The following SLC35F3 variants were observed in gnomAD, a reference collection of about 807,000 sequenced individuals.
The protein encoded by SLC35F3 is solute carrier family 35 member F3.
SLC35F3 carries 25 observed loss-of-function variants against 49.9 expected under a neutral mutation model. The ratio of observed to expected loss-of-function variants is 0.50; its 90% CI spans 0.37 to 0.70. The LOEUF (loss-of-function observed/expected upper bound fraction) is 0.70. Among genes scored for constraint, SLC35F3 ranks in the 30% least tolerant of loss-of-function variants. The pLI, the probability that SLC35F3 is intolerant of heterozygous loss-of-function variation, is 0.00. For synonymous variants in SLC35F3, 275 were observed against 265.4 expected (o/e 1.04, Z -0.35); for missense variants, 525 against 639.8 (o/e 0.82, Z 1.94).
chr1:234,118,306 G>A (rs1288284218), intron 2 of SLC35F3, among the ~76,000 whole-genome samples: 1 of 152,080 alleles, frequency 6.6e-6, no homozygotes, highest in African/African-American at 2.4e-5. Context: ...ATCAGGCAGG[G>A]ACTGGAAACA....
At chr1:234,186,592 A>G (rs1300205303) in intron 2 of SLC35F3, among the ~76,000 whole-genome samples, 1 of 152,164 alleles carries the variant, frequency 6.6e-6, no homozygotes, top group East Asian at 1.9e-4. Context: ...CTGAAGTGTC[A>G]AGTGGTAGGT....
intron 2 of SLC35F3, among the ~76,000 whole-genome samples, chr1:234,081,938 G>GTTTTTTTTTTT (rs1352381288): frequency 3.9e-5 from 1 of 25,520 alleles, no homozygotes; most frequent in Non-Finnish European, 6.4e-5. Flanking sequence ...TTTTTTTTTA[G>GTTTTTTTTTTT]TAGAGACAGG....
intron 2 of SLC35F3, among the ~76,000 whole-genome samples, chr1:234,077,720 C>T (rs1316840250): frequency 6.6e-6 from 1 of 152,124 alleles, no homozygotes; most frequent in Non-Finnish European, 1.5e-5. Flanking sequence ...GTTCTCATAG[C>T]CTGCACCTCA....
chr1:234,199,823 G>A (rs184392428), intron 2 of SLC35F3, among the ~76,000 whole-genome samples: 4 of 152,140 alleles, frequency 2.6e-5, no homozygotes, highest in Admixed American at 6.5e-5. Context: ...ATTAAAAAAC[G>A]GGCAAAGGAC....
chr1:234,212,203 G>A (rs1483388609), intron 2 of SLC35F3, among the ~76,000 whole-genome samples: 1 of 152,194 alleles, frequency 6.6e-6, no homozygotes, highest in Non-Finnish European at 1.5e-5. Context: ...TTTATCAGCA[G>A]GGTGAAAACA....
chr1:234,228,739 ATG>A (rs1173200900), intron 2 of SLC35F3, among the ~76,000 whole-genome samples: 3 of 151,950 alleles, frequency 2.0e-5, no homozygotes, highest in African/African-American at 4.8e-5. Flanking sequence ...GGGTGTGTGT[ATG>A]TGTGTGTGTC....
chr1:234,113,586 A>G (rs7518862), intron 2 of SLC35F3, among the ~76,000 whole-genome samples: 55,222 of 152,090 alleles, frequency 0.36, 11,425 homozygotes, highest in East Asian at 0.82. Context: ...ACATGTAGGC[A>G]AGCATGGTGG....
intron 2 of SLC35F3, among the ~76,000 whole-genome samples, chr1:234,066,141 A>C (rs549759018): frequency 3.3e-4 from 51 of 152,336 alleles, no homozygotes; most frequent in African/African-American, 1.2e-3. Context: ...AAGGAATTCC[A>C]GTTTCCACAG....
At chr1:234,178,692 G>A (rs1014720116) in intron 2 of SLC35F3, among the ~76,000 whole-genome samples, 1 of 127,462 alleles carries the variant, frequency 7.8e-6, no homozygotes, top group African/African-American at 3.1e-5. Flanking sequence ...TTCTGTGGAT[G>A]TACATCATCC....
chr1:234,292,708 T>C (rs1302603279), intron 3 of SLC35F3, among the ~76,000 whole-genome samples: 1 of 152,142 alleles, frequency 6.6e-6, no homozygotes, highest in African/African-American at 2.4e-5. Context: ...TTTGCTGCTG[T>C]TTAGAGTTGC....
chr1:233,906,265 C>T (rs1182432935), intron 2 of SLC35F3, among the ~76,000 whole-genome samples: 1 of 152,094 alleles, frequency 6.6e-6, no homozygotes, highest in Non-Finnish European at 1.5e-5. Context: ...GCCCTTCTCC[C>T]CTGGATTTTA....
chr1:234,105,502 C>G (rs1665273004), intron 2 of SLC35F3, among the ~76,000 whole-genome samples: 2 of 152,160 alleles, frequency 1.3e-5, no homozygotes, highest in Non-Finnish European at 2.9e-5. Flanking sequence ...TCCTATCCAG[C>G]AGGTATTCAC....
At chr1:234,126,037 A>G (rs1665642734) in intron 2 of SLC35F3, among the ~76,000 whole-genome samples, 4 of 152,346 alleles carry the variant, frequency 2.6e-5, no homozygotes, top group East Asian at 1.9e-4. Flanking sequence ...TCCCTGGTGA[A>G]TGGGGATTTT....
chr1:234,049,977 T>A (rs189860587), intron 2 of SLC35F3, among the ~76,000 whole-genome samples: 2 of 152,228 alleles, frequency 1.3e-5, no homozygotes, highest in Non-Finnish European at 2.9e-5. Flanking sequence ...TCATCCTTTT[T>A]TATGGCTGCA....
At chr1:234,198,847 A>G (rs1012287521) in intron 2 of SLC35F3, among the ~76,000 whole-genome samples, 11 of 152,182 alleles carry the variant, frequency 7.2e-5, no homozygotes, top group Non-Finnish European at 1.3e-4. Context: ...ATAGCCAAAG[A>G]TATCTTGAGC....
At chr1:233,976,384 A>C (rs1409676528) in intron 2 of SLC35F3, among the ~76,000 whole-genome samples, 2 of 152,194 alleles carry the variant, frequency 1.3e-5, no homozygotes, top group African/African-American at 4.8e-5. Flanking sequence ...CTTACGCAAA[A>C]GTAGGGAGCA....
At chr1:234,199,031 C>T in intron 2 of SLC35F3, among the ~76,000 whole-genome samples, 1 of 140,942 alleles carries the variant, frequency 7.1e-6, no homozygotes, top group East Asian at 2.2e-4. Flanking sequence ...CTAGCTTGGG[C>T]AACATAGTGA....
rs1663990331 is a variant in SLC35F3 at position 234,027,085 on chromosome 1, C to T, written c.283+121327C>T. On this transcript the variant is annotated intron_variant, in intron 2 of 7. Transcript: ENST00000366618. This position sits in a 1 kb window ranked among gnomAD's most constrained non-coding sequence, Gnocchi z 4.1. Reference sequence around the variant, plus strand: ...CCATAAGCCCAGATACACTGATTTTCCAAGTACCATAACATTGGCAGAACA... The same window carrying T: ...CCATAAGCCCAGATACACTGATTTTTCAAGTACCATAACATTGGCAGAACA... 1 of 153,270 alleles carries T rather than the reference C, an allele frequency of 6.5e-6. No homozygotes were observed. Among genetic ancestry groups the T allele is most frequent in the Non-Finnish European group, 1.5e-5 (1 of 68,360 alleles). The allele number at this position is 153,270 out of a possible 1,614,324, so 9.5% of individuals were successfully genotyped here. A position where few individuals can be genotyped will look rare whatever the true frequency, so the allele number is the denominator to read the frequency against.
intron 2 of SLC35F3, among the ~76,000 whole-genome samples, chr1:234,229,845 A>T (rs889490396): frequency 2.0e-5 from 3 of 152,194 alleles, no homozygotes; most frequent in African/African-American, 7.2e-5. Context: ...AATTGCATTA[A>T]GTTGTGGAAA....
Sources: allele counts gnomAD v4.1 joint callset (sites outside exome capture counted in the v4.1 genomes callset), GRCh38; gene constraint gnomAD v4.1.1; non-coding constraint Gnocchi (gnomAD v3.1); transcripts MANE v1.5; gene names NCBI Gene and HGNC (gene_info 2026-07-23, HGNC 2026-07-21).